Variants in TRAF3 observed in about 807,000 individuals in gnomAD.
TRAF3 encodes the protein TNF receptor associated factor 3.
Under a neutral mutation model 62.3 loss-of-function variants are expected in TRAF3, and 13 were observed. That is an observed-to-expected ratio of 0.21 (90% CI 0.14 to 0.33). TRAF3 has a LOEUF of 0.33. Among genes scored for constraint, TRAF3 ranks in the 10% least tolerant of loss-of-function variants. TRAF3 has a pLI of 1.00. For missense variants in TRAF3, 440 were observed against 741.8 expected, an observed-to-expected ratio of 0.59 and a Z score of 4.73; for synonymous variants, 269 against 283.4, an observed-to-expected ratio of 0.95 and a Z score of 0.51.
At chr14:102,873,643 CA>C (rs1888473712) in intron 4 of TRAF3, among the ~76,000 whole-genome samples, 1 of 152,170 alleles carries the variant, frequency 6.6e-6, no homozygotes, top group Non-Finnish European at 1.5e-5. Flanking sequence ...GTCAGCAGGT[CA>C]TCCAGGGGTG....
chr14:102,789,053 C>A (rs781318107), intron 1 of TRAF3, among the ~76,000 whole-genome samples: 5 of 152,182 alleles, frequency 3.3e-5, no homozygotes, highest in Non-Finnish European at 7.4e-5. Flanking sequence ...CCCTTGATAA[C>A]CTCTAATCTG....
At chr14:102,793,102 C>A (rs569070124) in intron 1 of TRAF3, among the ~76,000 whole-genome samples, 3 of 152,200 alleles carry the variant, frequency 2.0e-5, no homozygotes, top group Non-Finnish European at 4.4e-5. Flanking sequence ...TGAGCCACTG[C>A]ACCCTGCCTG....
chr14:102,884,671 C>T (rs1889260441), intron 6 of TRAF3, among the ~76,000 whole-genome samples: 1 of 151,914 alleles, frequency 6.6e-6, no homozygotes, highest in South Asian at 2.1e-4. Context: ...ATTAGCTGGG[C>T]ACGGTGATGT....
chr14:102,808,341 C>T (rs1402935031), intron 1 of TRAF3, among the ~76,000 whole-genome samples: 4 of 152,034 alleles, frequency 2.6e-5, no homozygotes, highest in Admixed American at 2.6e-4. Flanking sequence ...GGTGAAACCC[C>T]ACCTTTACTA....
chr14:102,830,121 C>CGGCA (rs1405373906), intron 1 of TRAF3, among the ~76,000 whole-genome samples: 2 of 152,180 alleles, frequency 1.3e-5, no homozygotes, highest in Non-Finnish European at 2.9e-5. Context: ...GCTGCCGAGG[C>CGGCA]GGCAGCTCCT....
chr14:102,885,529 C>T (rs1386044298), intron 6 of TRAF3, among the ~76,000 whole-genome samples: 7 of 152,154 alleles, frequency 4.6e-5, no homozygotes, highest in African/African-American at 1.7e-4. Flanking sequence ...CAGCAGGTGC[C>T]CATGGGATAG....
chr14:102,800,967 A>T (rs1898373084), intron 1 of TRAF3, among the ~76,000 whole-genome samples: 1 of 150,202 alleles, frequency 6.7e-6, no homozygotes, highest in Non-Finnish European at 1.5e-5. Context: ...TCACGAGGTC[A>T]GGAGATCGAG....
intron 1 of TRAF3, among the ~76,000 whole-genome samples, chr14:102,785,648 C>T (rs991677394): frequency 2.0e-5 from 3 of 152,198 alleles, no homozygotes. Flanking sequence ...CATGGAAGCC[C>T]TTACCACTGT....
chr14:102,885,209 CG>C, intron 6 of TRAF3, among the ~76,000 whole-genome samples: 1 of 152,314 alleles, frequency 6.6e-6, no homozygotes, highest in African/African-American at 2.4e-5. Flanking sequence ...GAGCTTCCCT[CG>C]GGTGGGCCGC....
At chr14:102,848,852 C>T (rs994173965) in intron 2 of TRAF3, among the ~76,000 whole-genome samples, 19 of 152,204 alleles carry the variant, frequency 1.2e-4, no homozygotes, top group African/African-American at 4.1e-4. Flanking sequence ...GAGGCTCGAT[C>T]GCTTTCTGGC....
At chr14:102,859,218 CAT>C (rs1188529035) in intron 2 of TRAF3, among the ~76,000 whole-genome samples, 6 of 151,266 alleles carry the variant, frequency 4.0e-5, no homozygotes, top group Non-Finnish European at 7.4e-5. Flanking sequence ...TCCACATTCA[CAT>C]GTCTCCTTCT....
rs1897062287 is a variant in TRAF3 at position 102,777,567 on chromosome 14, C to A, written c.-265C>A. 1 of 144,876 alleles carries A rather than the reference C, an allele frequency of 6.9e-6. No individual in the cohort carries two copies. 9.0% of individuals were successfully genotyped at this position (144,876 alleles called of 1,614,324 possible). A position where few individuals can be genotyped will look rare whatever the true frequency, so the allele number is the denominator to read the frequency against. On this transcript the variant is annotated 5_prime_UTR_variant, in exon 1 of 12. Transcript: ENST00000392745. ...CGGCGGCAGCCGCGGCGGCCGCCGG[C>A]TCTTCCCCGCCCCCCGCCATGGGGC... is the stretch of plus-strand genomic sequence containing the variant.
chr14:102,873,437 G>A (rs190670554), intron 4 of TRAF3, among the ~76,000 whole-genome samples: 4 of 152,338 alleles, frequency 2.6e-5, no homozygotes, highest in Admixed American at 1.3e-4. Flanking sequence ...AGAGAAGCTC[G>A]CGACGATGGC....
At chr14:102,884,508 A>T (rs1889250071) in intron 6 of TRAF3, among the ~76,000 whole-genome samples, 1 of 152,176 alleles carries the variant, frequency 6.6e-6, no homozygotes, top group African/African-American at 2.4e-5. Context: ...AGAAATGATT[A>T]ATATCAAAAA....
At chr14:102,843,407 G>A (rs1288230946) in intron 2 of TRAF3, among the ~76,000 whole-genome samples, 1 of 151,240 alleles carries the variant, frequency 6.6e-6, no homozygotes, top group African/African-American at 2.4e-5. Flanking sequence ...GTGTGATCTC[G>A]GCTCACTGCA....
intron 6 of TRAF3, among the ~76,000 whole-genome samples, chr14:102,881,259 C>T (rs1241884830): frequency 6.6e-6 from 1 of 152,060 alleles, no homozygotes; most frequent in Non-Finnish European, 1.5e-5. Context: ...TAACACATGC[C>T]TGTAATCCCA....
At chr14:102,849,982 A>T (rs1161792798) in intron 2 of TRAF3, among the ~76,000 whole-genome samples, 1 of 152,024 alleles carries the variant, frequency 6.6e-6, no homozygotes, top group Non-Finnish European at 1.5e-5. Flanking sequence ...TGCTTTGTTT[A>T]TCTGATGCTT....
At chr14:102,781,236 C>T (rs923698493) in intron 1 of TRAF3, among the ~76,000 whole-genome samples, 1 of 152,226 alleles carries the variant, frequency 6.6e-6, no homozygotes, top group Non-Finnish European at 1.5e-5. Flanking sequence ...CCTGTCACTC[C>T]TTGCCAGTAG....
chr14:102,845,226 G>A (rs1250090697), intron 2 of TRAF3, among the ~76,000 whole-genome samples: 1 of 147,058 alleles, frequency 6.8e-6, no homozygotes, highest in African/African-American at 2.5e-5. Context: ...TTTTTGAGAT[G>A]GAGTCTCACT....
Sources: allele counts gnomAD v4.1 joint callset (sites outside exome capture counted in the v4.1 genomes callset), GRCh38; gene constraint gnomAD v4.1.1; transcripts MANE v1.5; gene names NCBI Gene and HGNC (gene_info 2026-07-23, HGNC 2026-07-21).